Variants in POLN observed in about 807,000 individuals in gnomAD.
POLN encodes the protein DNA polymerase N.
A neutral mutation model predicts 113.5 loss-of-function variants in POLN; 108 were observed. The ratio of observed to expected loss-of-function variants is 0.95; its 90% CI spans 0.81 to 1.12. The LOEUF is 1.12. POLN is among the 50% of genes most tolerant of loss of function. POLN has a pLI of 0.00. For missense variants in POLN, 1,097 were observed against 1,077.1 expected (o/e 1.02, Z -0.26); for synonymous variants, 386 against 391.5 (o/e 0.99, Z 0.17).
intron 13 of POLN, among the ~76,000 whole-genome samples, chr4:2,164,258 T>C (rs910403606): frequency 6.6e-6 from 1 of 152,064 alleles, no homozygotes; most frequent in East Asian, 1.9e-4. Flanking sequence ...TCCCAGCACT[T>C]TGGGAGGCAG....
intron 13 of POLN, among the ~76,000 whole-genome samples, chr4:2,159,680 G>A (rs780346665): frequency 6.6e-6 from 1 of 152,162 alleles, no homozygotes; most frequent in African/African-American, 2.4e-5. Context: ...CACCCACAGC[G>A]AGCGACGAAA....
chr4:2,081,035 G>A lies in POLN; in HGVS notation c.2310C>T (p.Gly770=), dbSNP rs1305554578. The change falls in exon 23 of 26, where the codon GGC becomes GGT. Residue 770 remains glycine (G), a splice_region_variant and synonymous_variant. Transcript: ENST00000511885. The part of the protein sequence containing the change: ...ERQAVNFVVQ[G]SAADLCKLAM... ...CCAGCTTGCAGAGGTCAGCAGCGGA[G>A]CCTATGGGGCGCGTGGTACTGTCTT... is the stretch of plus-strand genomic sequence containing the variant. 6.2e-7 allele frequency: 1 copy of A among 1,613,670 alleles called. No homozygotes were observed. Among genetic ancestry groups the A allele is most frequent in the African/African-American group, 1.3e-5 (1 of 75,046 alleles).
intron 19 of POLN, among the ~76,000 whole-genome samples, chr4:2,122,349 G>A (rs773301418): frequency 1.8e-4 from 28 of 152,096 alleles, no homozygotes. Flanking sequence ...GAAGGAAAGC[G>A]AAAGTGAGAA....
intron 7 of POLN, among the ~76,000 whole-genome samples, chr4:2,179,780 G>A (rs1198730316): frequency 1.3e-5 from 2 of 152,138 alleles, no homozygotes; most frequent in South Asian, 2.1e-4. Flanking sequence ...AAAAGCTGTC[G>A]AAGTCAGAGT....
chr4:2,073,073 T>C (rs1250041302), intron 24 of POLN, 44 bp from the exon 25 acceptor site: 15 of 1,595,108 alleles, frequency 9.4e-6, no homozygotes, highest in Non-Finnish European at 1.3e-5. Context: ...TCTCTTGGCC[T>C]TGGGGCCTGG....
chr4:2,180,272 C>T (rs1733102847), intron 7 of POLN, among the ~76,000 whole-genome samples: 1 of 152,164 alleles, frequency 6.6e-6, no homozygotes, highest in Non-Finnish European at 1.5e-5. Flanking sequence ...TACCAGAACA[C>T]TTTAGACATG....
intron 20 of POLN, chr4:2,088,796 A>G: frequency 1.5e-6 from 2 of 1,371,640 alleles, no homozygotes; most frequent in Non-Finnish European, 2.0e-6. Flanking sequence ...TATTATCGCT[A>G]CAAGAGGACT....
chr4:2,215,990 C>A (rs1202122288), intron 3 of POLN, among the ~76,000 whole-genome samples: 1 of 152,230 alleles, frequency 6.6e-6, no homozygotes, highest in African/African-American at 2.4e-5. Flanking sequence ...GGCCACCATG[C>A]CCTTCTCTGG....
chr4:2,217,857 C>G (rs757704063), intron 3 of POLN, among the ~76,000 whole-genome samples: 4 of 152,204 alleles, frequency 2.6e-5, no homozygotes, highest in Non-Finnish European at 5.9e-5. Flanking sequence ...ATGCAGTATT[C>G]CCAATGTGGA....
chr4:2,181,010 G>A (rs2108751451), intron 7 of POLN, among the ~76,000 whole-genome samples: 1 of 151,326 alleles, frequency 6.6e-6, no homozygotes, highest in East Asian at 1.9e-4. Context: ...GAATCTAGGA[G>A]AGAAAATTTA....
rs570177447 is a variant in POLN, at chr4:2,127,157, A to T, written c.1982+956T>A. ...AGGGAGGGGTGAGGGGGCCATAGGGAGGGGTGAGGGGGCCGTAGGGGGAGC... is the reference window on the plus strand; with the variant it reads ...AGGGAGGGGTGAGGGGGCCATAGGGTGGGGTGAGGGGGCCGTAGGGGGAGC... On this transcript the variant is annotated intron_variant, in intron 19 of 25. Coordinates refer to ENST00000511885, the MANE Select transcript of POLN (RefSeq NM_181808.4). This position sits in a 1 kb window ranked among gnomAD's most constrained non-coding sequence, Gnocchi z 4.7. 1.6e-3 allele frequency among the ~76,000 whole-genome samples: 88 copies of T among 53,684 alleles called. 3 individuals are homozygous for T. In the South Asian group the frequency reaches 0.041, roughly 25 times the overall value. 35.2% of individuals were successfully genotyped at this position (53,684 alleles called of 152,430 possible).
chr4:2,134,804 C>T (rs892857646), intron 16 of POLN, among the ~76,000 whole-genome samples: 5 of 152,326 alleles, frequency 3.3e-5, no homozygotes, highest in African/African-American at 9.6e-5. Flanking sequence ...AGACCTGGAT[C>T]CCCCTTTCCA....
intron 16 of POLN, among the ~76,000 whole-genome samples, chr4:2,142,469 T>C (rs1316434148): frequency 1.3e-5 from 2 of 152,222 alleles, no homozygotes; most frequent in Non-Finnish European, 2.9e-5. Flanking sequence ...TGTAAACACG[T>C]TCCCTATCCC....
chr4:2,091,881 C>T (rs1239593813), intron 20 of POLN, among the ~76,000 whole-genome samples: 1 of 152,202 alleles, frequency 6.6e-6, no homozygotes, highest in Non-Finnish European at 1.5e-5. Flanking sequence ...TTCTGCCCCA[C>T]ACATATTGCT....
At chr4:2,151,548 C>T (rs1732296553) in intron 16 of POLN, among the ~76,000 whole-genome samples, 1 of 152,184 alleles carries the variant, frequency 6.6e-6, no homozygotes, top group South Asian at 2.1e-4. Context: ...AATAATATCC[C>T]CAAACTGGAA....
At chr4:2,104,724 A>C (rs1474460038) in intron 19 of POLN, among the ~76,000 whole-genome samples, 1 of 152,196 alleles carries the variant, frequency 6.6e-6, no homozygotes, top group East Asian at 1.9e-4. Flanking sequence ...TTATAGTAAA[A>C]GCTGTCCCAG....
At chr4:2,186,425 G>A (rs2108753902) in intron 7 of POLN, among the ~76,000 whole-genome samples, 1 of 152,228 alleles carries the variant, frequency 6.6e-6, no homozygotes, top group Non-Finnish European at 1.5e-5. Context: ...CAGGTCCCCT[G>A]GGCATGAACT....
intron 7 of POLN, among the ~76,000 whole-genome samples, chr4:2,182,727 T>C (rs550747842): frequency 6.6e-6 from 1 of 150,550 alleles, no homozygotes; most frequent in East Asian, 2.0e-4. Context: ...TGAAAAAAAA[T>C]GAGTAAATCT....
At chr4:2,206,438 AAT>A (rs1448545019) in intron 5 of POLN, among the ~76,000 whole-genome samples, 8 of 152,260 alleles carry the variant, frequency 5.3e-5, no homozygotes, top group Non-Finnish European at 1.5e-5. Flanking sequence ...TAGCAAAGGG[AAT>A]AGTCAGCAGA....
Sources: allele counts gnomAD v4.1 joint callset (sites outside exome capture counted in the v4.1 genomes callset), GRCh38; gene constraint gnomAD v4.1.1; non-coding constraint Gnocchi (gnomAD v3.1); transcripts MANE v1.5; gene names NCBI Gene and HGNC (gene_info 2026-07-23, HGNC 2026-07-21).